The following CEP112 variants were observed in gnomAD, a reference collection of about 807,000 sequenced individuals.
CEP112 encodes centrosomal protein of 112 kDa.
CEP112 carries 127 observed loss-of-function variants against 153.0 expected under a neutral mutation model. The observed-to-expected ratio is 0.83, with a 90% CI of 0.72 to 0.96. CEP112 has a LOEUF of 0.96. Among genes scored for constraint, CEP112 ranks in the 40% least tolerant of loss-of-function variants. The pLI, the probability that CEP112 is intolerant of heterozygous loss-of-function variation, is 0.00. For synonymous variants in CEP112, 358 were observed against 374.4 expected (o/e 0.96, Z 0.51); for missense variants, 1,089 against 1,101.2 (o/e 0.99, Z 0.16).
chr17:65,667,701 A>G (rs1284666911), intron 24 of CEP112, among the ~76,000 whole-genome samples: 1 of 152,138 alleles, frequency 6.6e-6, no homozygotes, highest in Non-Finnish European at 1.5e-5. Flanking sequence ...ACATTTAGAC[A>G]AACTTAGAAA....
intron 20 of CEP112, among the ~76,000 whole-genome samples, chr17:65,874,258 T>C (rs10512507): frequency 0.055 from 8,330 of 152,178 alleles, 287 homozygotes; most frequent in African/African-American, 0.09. Context: ...ACCTTCTGAT[T>C]TCACTTTTTT....
chr17:66,142,492 T>TCA (rs1432254497), intron 4 of CEP112, among the ~76,000 whole-genome samples: 1 of 152,182 alleles, frequency 6.6e-6, no homozygotes, highest in African/African-American at 2.4e-5. Flanking sequence ...GATCTTATGT[T>TCA]TAAGTCTTTA....
rs538899775 is a variant in CEP112, at chr17:65,675,622, A to G, written c.2697+13507T>C. Among the ~76,000 whole-genome samples the G allele has an allele frequency of 2.0e-5, 3 of 149,474 alleles. No individual in the cohort carries two copies. In the South Asian group the frequency reaches 6.3e-4, roughly 31 times the overall value. The stretch of plus-strand genomic sequence containing the variant: ...AACTTTAACACCAACATCCGATGAG[A>G]ATATTATAATAAAAGAAAACTATAG... On this transcript the variant is annotated intron_variant, in intron 24 of 26. Coordinates refer to ENST00000535342, the MANE Select transcript of CEP112 (RefSeq NM_001199165.4).
intron 6 of CEP112, among the ~76,000 whole-genome samples, chr17:66,127,268 T>A (rs967941795): frequency 6.6e-6 from 1 of 152,232 alleles, no homozygotes; most frequent in Non-Finnish European, 1.5e-5. Context: ...ATGTATATCA[T>A]GTTTCAAGTG....
intron 21 of CEP112, among the ~76,000 whole-genome samples, chr17:65,830,231 C>T (rs996717459): frequency 6.6e-6 from 1 of 152,168 alleles, no homozygotes; most frequent in Non-Finnish European, 1.5e-5. Context: ...AGAATACCAT[C>T]CTGAGTTCAC....
chr17:66,070,149 A>C (rs1228057979), intron 8 of CEP112, 148 bp from the exon 9 acceptor site: 2 of 576,736 alleles, frequency 3.5e-6, no homozygotes, highest in Non-Finnish European at 6.1e-6. Flanking sequence ...ATCACATTAC[A>C]TATACCAATA....
chr17:65,883,043 C>T (rs889410113), intron 20 of CEP112, among the ~76,000 whole-genome samples: 1 of 152,048 alleles, frequency 6.6e-6, no homozygotes, highest in Non-Finnish European at 1.5e-5. Context: ...ACCTTTTAGG[C>T]ATAGGGTATA....
intron 20 of CEP112, among the ~76,000 whole-genome samples, chr17:65,890,576 A>G (rs1018554432): frequency 2.6e-5 from 4 of 152,130 alleles, no homozygotes; most frequent in Non-Finnish European, 2.9e-5. Context: ...CCTGAAGGGT[A>G]AGTACGCTAG....
chr17:65,687,804 T>G (rs942413224), intron 24 of CEP112, among the ~76,000 whole-genome samples: 7 of 152,164 alleles, frequency 4.6e-5, no homozygotes, highest in Non-Finnish European at 7.3e-5. Context: ...CAGCCTTACT[T>G]TTGTGTTTTC....
Position 66,129,742 on chromosome 17 carries a change from T to A in CEP112, c.642+4A>T, listed in dbSNP as rs747417263. On this transcript the variant is annotated splice_donor_region_variant and intron_variant, in intron 6 of 26. Coordinates refer to ENST00000535342, the MANE Select transcript of CEP112 (RefSeq NM_001199165.4). The stretch of plus-strand genomic sequence containing the variant: ...ATATACATAAAGCAAATACTTTTTT[T>A]TACCCCAAGATTCCAACTATTAAGG... The A allele has an allele frequency of 1.0e-5, 16 of 1,600,666 alleles. No individual in the cohort carries two copies. In the Admixed American group the frequency reaches 1.2e-4, roughly 12 times the overall value.
At chr17:66,094,057 T>A (rs1360138618) in intron 8 of CEP112, among the ~76,000 whole-genome samples, 1 of 151,978 alleles carries the variant, frequency 6.6e-6, no homozygotes, top group East Asian at 1.9e-4. Context: ...TTATTATTAT[T>A]TTTATTTATT....
At chr17:65,925,694 G>A (rs1381594932) in intron 19 of CEP112, among the ~76,000 whole-genome samples, 1 of 152,114 alleles carries the variant, frequency 6.6e-6, no homozygotes, top group Non-Finnish European at 1.5e-5. Flanking sequence ...CTCCTTCCAG[G>A]CGGAGGATTA....
chr17:65,741,288 G>T (rs1256842672), intron 23 of CEP112, among the ~76,000 whole-genome samples: 1 of 151,996 alleles, frequency 6.6e-6, no homozygotes, highest in African/African-American at 2.4e-5. Context: ...CTTAAAAAAA[G>T]AGCCAAGGCA....
chr17:65,922,745 G>A (rs2144096660), intron 19 of CEP112, among the ~76,000 whole-genome samples: 1 of 152,142 alleles, frequency 6.6e-6, no homozygotes. Flanking sequence ...TTACTTAGAG[G>A]AACTGACATT....
intron 21 of CEP112, among the ~76,000 whole-genome samples, chr17:65,830,110 G>T (rs949622345): frequency 1.1e-4 from 16 of 152,166 alleles, no homozygotes; most frequent in African/African-American, 3.9e-4. Flanking sequence ...AAGTTGAAAG[G>T]ATCAAAAGAT....
At chr17:66,149,524 AG>A (rs1306199878) in intron 4 of CEP112, among the ~76,000 whole-genome samples, 1 of 152,176 alleles carries the variant, frequency 6.6e-6, no homozygotes, top group Non-Finnish European at 1.5e-5. Flanking sequence ...AGGTCTGTTC[AG>A]ATATTCTATT....
At chr17:66,139,579 G>T (rs948670304) in intron 4 of CEP112, among the ~76,000 whole-genome samples, 4 of 152,064 alleles carry the variant, frequency 2.6e-5, no homozygotes, top group Admixed American at 6.6e-5. Context: ...CTGTGCTCCA[G>T]TCCGGGTGAC....
intron 17 of CEP112, among the ~76,000 whole-genome samples, chr17:65,998,382 C>CAAAAAAAAA: frequency 1.4e-5 from 1 of 70,018 alleles, no homozygotes; most frequent in Non-Finnish European, 2.4e-5. Flanking sequence ...GGCCTCGTCT[C>CAAAAAAAAA]AAAAAAAAAA....
intron 17 of CEP112, among the ~76,000 whole-genome samples, chr17:65,970,466 A>ATCG (rs770046612): frequency 6.8e-5 from 4 of 58,782 alleles, no homozygotes; most frequent in African/African-American, 1.8e-4. Flanking sequence ...GCATGCACAC[A>ATCG]TGCATGTATA....
Sources: allele counts gnomAD v4.1 joint callset (sites outside exome capture counted in the v4.1 genomes callset), GRCh38; gene constraint gnomAD v4.1.1; transcripts MANE v1.5; gene names NCBI Gene and HGNC (gene_info 2026-07-23, HGNC 2026-07-21).